CTNNA2: variants seen among roughly 807,000 people sequenced by gnomAD.
CTNNA2 encodes the protein catenin alpha-2.
Under a neutral mutation model 101.0 loss-of-function variants are expected in CTNNA2, and 42 were observed. The observed-to-expected ratio is 0.42, with a 90% confidence interval of 0.32 to 0.54. The LOEUF is 0.54. Among genes scored for constraint, CTNNA2 ranks in the 20% least tolerant of loss-of-function variants. CTNNA2 has a pLI of 0.14. For missense variants in CTNNA2, 871 were observed against 1,223.1 expected (o/e 0.71, Z 4.29); for synonymous variants, 450 against 456.4 (o/e 0.99, Z 0.18).
At chr2:79,609,103 A>G (rs72822508) in intron 1 of CTNNA2, among the ~76,000 whole-genome samples, 19,913 of 151,914 alleles carry the variant, frequency 0.13, 2,176 homozygotes, top group African/African-American at 0.3. Context: ...ATCAAAACAT[A>G]TGAGTTACTT....
intron 4 of CTNNA2, among the ~76,000 whole-genome samples, chr2:79,489,310 A>T (rs1353515067): frequency 6.6e-6 from 1 of 152,118 alleles, no homozygotes; most frequent in African/African-American, 2.4e-5. Context: ...TTTTAATCCC[A>T]AGGGTCCAGA....
At chr2:79,262,594 G>A (rs1048012965) in intron 2 of CTNNA2, among the ~76,000 whole-genome samples, 5 of 152,146 alleles carry the variant, frequency 3.3e-5, no homozygotes, top group East Asian at 3.9e-4. Flanking sequence ...CCCAAAGTAT[G>A]TGTCTCAGAT....
intron 2 of CTNNA2, among the ~76,000 whole-genome samples, chr2:79,231,075 G>C (rs1172906500): frequency 6.6e-6 from 1 of 152,142 alleles, no homozygotes; most frequent in African/African-American, 2.4e-5. Flanking sequence ...GTGGACTTTT[G>C]AGTTAATACT....
chr2:79,591,241 G>T (rs952986337), intron 1 of CTNNA2, among the ~76,000 whole-genome samples: 1 of 152,064 alleles, frequency 6.6e-6, no homozygotes, highest in Non-Finnish European at 1.5e-5. Context: ...AACCATTCTC[G>T]TTTGGGTCAG....
chr2:80,495,939 C>CAAAAAAAAAAAAAAAA lies in CTNNA2; in HGVS notation c.1291-49030_1291-49015dup, dbSNP rs60582703. Among the ~76,000 whole-genome samples, 9 of 35,772 alleles carry CAAAAAAAAAAAAAAAA rather than the reference C, an allele frequency of 2.5e-4. 1 individual carries two copies. The highest frequency in any genetic ancestry group is 3.7e-4 in the Non-Finnish European group (7 of 19,128). The allele number at this position is 35,772 out of a possible 152,430, so 23.5% of individuals were successfully genotyped here. A position where few individuals can be genotyped will look rare whatever the true frequency, so the allele number is the denominator to read the frequency against. The stretch of plus-strand genomic sequence containing the variant: ...TGGGCGGCAGAGCAAGACTCTGTCT[C>CAAAAAAAAAAAAAAAA]AAAAAAAAAAAAAAAAAAAAAAAAA... On this transcript the variant is annotated intron_variant, in intron 9 of 18. Transcript: ENST00000402739.
At chr2:79,650,064 A>T (rs2104466545) in intron 1 of CTNNA2, among the ~76,000 whole-genome samples, 1 of 151,316 alleles carries the variant, frequency 6.6e-6, no homozygotes, top group East Asian at 2.0e-4. Flanking sequence ...CAAATCATTC[A>T]GATTCGGTTT....
chr2:79,325,973 G>A (rs555245948), intron 3 of CTNNA2, among the ~76,000 whole-genome samples: 7 of 152,150 alleles, frequency 4.6e-5, no homozygotes, highest in African/African-American at 1.7e-4. Flanking sequence ...CAATTCAAGA[G>A]GGTTTAGAGT....
chr2:80,493,842 C>T (rs1054846480), intron 9 of CTNNA2, among the ~76,000 whole-genome samples: 4 of 152,158 alleles, frequency 2.6e-5, no homozygotes, highest in African/African-American at 9.7e-5. Context: ...GGTTTTGAAA[C>T]ACTGAAAAAG....
chr2:79,258,390 A>C (rs539630395), intron 2 of CTNNA2, among the ~76,000 whole-genome samples: 49 of 152,336 alleles, frequency 3.2e-4, no homozygotes, highest in African/African-American at 1.1e-3. Context: ...CCTGTTCTAT[A>C]CAACTGGCAG....
At chr2:79,894,063 T>TTCTTCTTCTTCTTCC (rs772035711) in intron 6 of CTNNA2, among the ~76,000 whole-genome samples, 16 of 61,368 alleles carry the variant, frequency 2.6e-4, no homozygotes, top group East Asian at 2.2e-3. Flanking sequence ...CTTCTTCTTC[T>TTCTTCTTCTTCTTCC]TCCTCCTCCT....
At chr2:80,138,736 A>G (rs1702834137) in intron 7 of CTNNA2, among the ~76,000 whole-genome samples, 1 of 152,170 alleles carries the variant, frequency 6.6e-6, no homozygotes, top group South Asian at 2.1e-4. Flanking sequence ...TCATCTGTAA[A>G]AATGAGGTGA....
At chr2:80,295,011 C>T (rs930197785) in intron 7 of CTNNA2, among the ~76,000 whole-genome samples, 9 of 152,036 alleles carry the variant, frequency 5.9e-5, no homozygotes, top group Admixed American at 4.6e-4. Context: ...AAACTCTCTC[C>T]TCTTCCTCTC....
chr2:79,429,251 A>G (rs551811590), intron 4 of CTNNA2, among the ~76,000 whole-genome samples: 30 of 152,170 alleles, frequency 2.0e-4, no homozygotes, highest in South Asian at 4.1e-4. Context: ...TTTTTTTTTA[A>G]TCTTGAAATT....
intron 7 of CTNNA2, among the ~76,000 whole-genome samples, chr2:79,930,304 GAA>G (rs763697588): frequency 1.8e-5 from 1 of 55,112 alleles, no homozygotes. Flanking sequence ...GAGAAAGAAA[GAA>G]AGAAAGAAAG....
At chr2:79,648,682 G>A (rs187188823) in intron 1 of CTNNA2, among the ~76,000 whole-genome samples, 98 of 152,238 alleles carry the variant, frequency 6.4e-4, no homozygotes, top group African/African-American at 2.2e-3. Context: ...AACTCAAAGG[G>A]AATCTTACAT....
chr2:79,316,396 C>T (rs1676498003), intron 3 of CTNNA2, among the ~76,000 whole-genome samples: 1 of 152,002 alleles, frequency 6.6e-6, no homozygotes, highest in African/African-American at 2.4e-5. Flanking sequence ...TTATTCAAGA[C>T]TGTTTTGGCT....
At chr2:80,242,237 A>C (rs1670995428) in intron 7 of CTNNA2, among the ~76,000 whole-genome samples, 1 of 152,182 alleles carries the variant, frequency 6.6e-6, no homozygotes, top group African/African-American at 2.4e-5. Context: ...TCTCTCATGG[A>C]CATTGGATTG....
chr2:80,201,351 A>G (rs1383825761), intron 7 of CTNNA2, among the ~76,000 whole-genome samples: 1 of 148,082 alleles, frequency 6.8e-6, no homozygotes, highest in East Asian at 2.0e-4. Flanking sequence ...CGTATCCACA[A>G]TATTTCTTTT....
intron 3 of CTNNA2, among the ~76,000 whole-genome samples, chr2:79,834,406 G>A (rs186901485): frequency 3.9e-4 from 59 of 152,052 alleles, no homozygotes; most frequent in African/African-American, 1.3e-3. Context: ...ATGAGATTTC[G>A]TTTTCAATGT....
Sources: allele counts gnomAD v4.1 joint callset (sites outside exome capture counted in the v4.1 genomes callset), GRCh38; gene constraint gnomAD v4.1.1; transcripts MANE v1.5; gene names NCBI Gene and HGNC (gene_info 2026-07-23, HGNC 2026-07-21).